The following C8orf34 variants were observed in gnomAD, a reference collection of about 807,000 sequenced individuals.
The protein encoded by C8orf34 is chromosome 8 open reading frame 34.
A neutral mutation model predicts 68.3 loss-of-function variants in C8orf34; 65 were observed. That is an observed-to-expected ratio of 0.95 (90% confidence interval 0.78 to 1.17). The LOEUF (loss-of-function observed/expected upper bound fraction) is 1.17, where lower values mean the gene tolerates loss of function less well. C8orf34 is among the 50% of genes most tolerant of loss of function. C8orf34 has a pLI of 0.00. For synonymous variants in C8orf34, 244 were observed against 241.2 expected (o/e 1.01, Z -0.11); for missense variants, 664 against 655.4 (o/e 1.01, Z -0.14).
chr8:68,697,985 T>C (rs1342908113), intron 8 of C8orf34, among the ~76,000 whole-genome samples: 1 of 152,102 alleles, frequency 6.6e-6, no homozygotes, highest in Non-Finnish European at 1.5e-5. Flanking sequence ...TCCTGTCTTC[T>C]GTTCCCCATC....
intron 7 of C8orf34, chr8:68,535,818 C>T (rs1270160298): frequency 6.2e-6 from 6 of 971,412 alleles, no homozygotes; most frequent in Non-Finnish European, 7.3e-6. Flanking sequence ...AATAAAACAG[C>T]CAAACTTGTG....
chr8:68,368,390 G>A (rs1216020792), intron 1 of C8orf34, among the ~76,000 whole-genome samples: 1 of 151,994 alleles, frequency 6.6e-6, no homozygotes, highest in Non-Finnish European at 1.5e-5. Flanking sequence ...TCTGTATTAT[G>A]GCTCTGTATT....
At chr8:68,430,284 A>G (rs1184586214) in intron 1 of C8orf34, among the ~76,000 whole-genome samples, 1 of 152,172 alleles carries the variant, frequency 6.6e-6, no homozygotes, top group Non-Finnish European at 1.5e-5. Context: ...ACAGGGACAG[A>G]AGCTCCTGTA....
chr8:68,818,547 G>T lies in C8orf34; in HGVS notation c.*301G>T. The T allele has an allele frequency of 3.6e-6, 1 of 275,576 alleles. No individual in the cohort carries two copies. Among genetic ancestry groups the T allele is most frequent in the Non-Finnish European group, 6.7e-6 (1 of 150,068 alleles). 17.1% of individuals were successfully genotyped at this position (275,576 alleles called of 1,614,324 possible). On this transcript the variant is annotated 3_prime_UTR_variant, in exon 14 of 14. Transcript: ENST00000518698. ...ATTAATATTTGATATATTAAATATT[G>T]CCTGATTCAAATAACTTTGCTTAAA...
rs778107778 is a variant in C8orf34 at position 68,721,340 on chromosome 8, AT to A, written c.1328-15del. 55 of 1,521,640 alleles carry A rather than the reference AT, an allele frequency of 3.6e-5. 2 individuals are homozygous for A. In the South Asian group the frequency reaches 5.4e-4, roughly 15 times the overall value. The allele number at this position is 1,521,640 out of a possible 1,614,324, so 94.3% of individuals were successfully genotyped here. A position where few individuals can be genotyped will look rare whatever the true frequency, so the allele number is the denominator to read the frequency against. On this transcript the variant is annotated intron_variant, in intron 9 of 13. Transcript: ENST00000518698. Reference sequence around the variant, plus strand: ...AGCAATATGTGAGTATAATTTATTCATTTTTTAAAAATAAAAATAGATTCCT... The same window carrying A: ...AGCAATATGTGAGTATAATTTATTCATTTTTAAAAATAAAAATAGATTCCT...
At chr8:68,621,207 G>A (rs1281999456) in intron 7 of C8orf34, among the ~76,000 whole-genome samples, 1 of 152,148 alleles carries the variant, frequency 6.6e-6, no homozygotes, top group African/African-American at 2.4e-5. Context: ...GGACAGTGGG[G>A]ACAAAGTGGG....
intron 7 of C8orf34, among the ~76,000 whole-genome samples, chr8:68,556,139 C>G (rs1816243089): frequency 6.6e-6 from 1 of 151,434 alleles, no homozygotes; most frequent in South Asian, 2.1e-4. Context: ...TTATGTATGT[C>G]ACCTCATTTT....
chr8:68,427,172 A>G (rs1810263252), intron 1 of C8orf34, among the ~76,000 whole-genome samples: 1 of 152,186 alleles, frequency 6.6e-6, no homozygotes, highest in African/African-American at 2.4e-5. Context: ...GTAATGCAGT[A>G]ATTGTACTCT....
chr8:68,755,436 C>T (rs2129527781), intron 10 of C8orf34, among the ~76,000 whole-genome samples: 1 of 152,332 alleles, frequency 6.6e-6, no homozygotes, highest in South Asian at 2.1e-4. Context: ...ATTATTTGCT[C>T]ATGACTATGC....
intron 7 of C8orf34, among the ~76,000 whole-genome samples, chr8:68,542,910 A>G (rs117614476): frequency 0.066 from 10,044 of 152,068 alleles, 451 homozygotes; most frequent in Non-Finnish European, 0.094. Context: ...TTTAAAACAT[A>G]CTCTCTAATC....
At position 68,568,959 on chromosome 8, in the gene C8orf34, G is replaced by C. The variant is rs1201756266; in HGVS notation, c.1105+35810G>C. On this transcript the variant is annotated intron_variant, in intron 7 of 13. Coordinates refer to ENST00000518698, the MANE Select transcript of C8orf34 (RefSeq NM_052958.4). ...TAAGGAAACAAGTAAGCATGGCTTT[G>C]TTCCAATAAAACTTTATTTCAAAAA... 2.0e-5 allele frequency among the ~76,000 whole-genome samples: 3 copies of C among 152,192 alleles called. No homozygotes were observed. The East Asian group carries it at 5.8e-4, about 29-fold the overall frequency.
intron 12 of C8orf34, among the ~76,000 whole-genome samples, chr8:68,805,933 T>A (rs1431637923): frequency 1.3e-5 from 2 of 152,112 alleles, no homozygotes; most frequent in Non-Finnish European, 2.9e-5. Context: ...TTCTTGCCTT[T>A]TTTGGGATAA....
At chr8:68,812,152 G>T (rs935225995) in intron 12 of C8orf34, among the ~76,000 whole-genome samples, 4 of 152,136 alleles carry the variant, frequency 2.6e-5, no homozygotes, top group African/African-American at 4.8e-5. Flanking sequence ...TCAACTTGAT[G>T]TAGTTATATT....
intron 1 of C8orf34, among the ~76,000 whole-genome samples, chr8:68,338,711 A>G (rs1805952362): frequency 6.6e-6 from 1 of 151,886 alleles, no homozygotes. Context: ...ATGTGCTTTC[A>G]TTTTTCTTAT....
At chr8:68,687,251 G>A (rs1248152685) in intron 8 of C8orf34, among the ~76,000 whole-genome samples, 2 of 151,786 alleles carry the variant, frequency 1.3e-5, no homozygotes, top group Admixed American at 1.3e-4. Context: ...CATAGAACTA[G>A]AATAAAAAAT....
chr8:68,796,751 G>T (rs1392703680), intron 12 of C8orf34, among the ~76,000 whole-genome samples: 1 of 152,006 alleles, frequency 6.6e-6, no homozygotes, highest in Non-Finnish European at 1.5e-5. Flanking sequence ...CCAATCACTG[G>T]GTAGTCCTGT....
At chr8:68,467,440 T>C (rs1055742329) in intron 3 of C8orf34, among the ~76,000 whole-genome samples, 2 of 148,946 alleles carry the variant, frequency 1.3e-5, no homozygotes, top group African/African-American at 4.8e-5. Context: ...TTTATAGTTA[T>C]CCTTTATTTT....
intron 7 of C8orf34, among the ~76,000 whole-genome samples, chr8:68,598,052 A>C (rs900804122): frequency 1.3e-5 from 2 of 152,124 alleles, no homozygotes; most frequent in African/African-American, 4.8e-5. Context: ...AAAATTAAAA[A>C]GTAATGTTAA....
At chr8:68,740,459 C>T (rs1459083149) in intron 10 of C8orf34, among the ~76,000 whole-genome samples, 1 of 152,034 alleles carries the variant, frequency 6.6e-6, no homozygotes, top group Non-Finnish European at 1.5e-5. Context: ...AGAAGACCTA[C>T]ATGCAGCCAA....
Sources: gnomAD v4.1 joint callset for allele counts (sites outside exome capture counted in the v4.1 genomes callset) on GRCh38, gnomAD v4.1.1 for gene constraint, MANE v1.5 for transcripts, NCBI Gene and HGNC (gene_info 2026-07-23, HGNC 2026-07-21) for gene names.